GRIN2A: variants seen among roughly 807,000 people sequenced by gnomAD.
GRIN2A encodes the protein glutamate receptor ionotropic, NMDA 2A.
Under a neutral mutation model 113.4 loss-of-function variants are expected in GRIN2A, and 22 were observed. That is an observed-to-expected ratio of 0.19 (90% CI 0.14 to 0.28). GRIN2A has a LOEUF of 0.28. Among genes scored for constraint, GRIN2A ranks in the 10% least tolerant of loss-of-function variants. The probability of loss-of-function intolerance (pLI) is 1.00; values close to 1 mark genes in which losing one functional copy is unlikely to be tolerated. For missense variants in GRIN2A, 1,502 were observed against 1,887.0 expected, an observed-to-expected ratio of 0.80 and a Z score of 3.78; for synonymous variants, 827 against 738.4, an observed-to-expected ratio of 1.12 and a Z score of -1.94.
intron 9 of GRIN2A, 41 bp from the exon 10 acceptor site, chr16:9,822,465 G>C (rs376900804): frequency 2.3e-6 from 3 of 1,333,126 alleles, no homozygotes; most frequent in Non-Finnish European, 2.2e-6. Flanking sequence ...AGTAGGAAAA[G>C]AAAGAGAAGG....
intron 3 of GRIN2A, among the ~76,000 whole-genome samples, chr16:9,900,765 C>T (rs979826096): frequency 3.3e-5 from 5 of 152,126 alleles, no homozygotes; most frequent in Admixed American, 2.6e-4. Flanking sequence ...AAAATAGCAC[C>T]AAATGCGTCA....
chr16:9,988,270 TGTGTGTGTGTGTGC>T (rs1225863993), intron 2 of GRIN2A, among the ~76,000 whole-genome samples: 1 of 39,620 alleles, frequency 2.5e-5, no homozygotes, highest in Admixed American at 2.4e-4. Context: ...TCCATAGGGG[TGTGTGTGTGTGTGC>T]GTGTGTGTGT....
intron 2 of GRIN2A, among the ~76,000 whole-genome samples, chr16:10,123,183 C>G (rs13333309): frequency 6.6e-6 from 1 of 152,160 alleles, no homozygotes; most frequent in Non-Finnish European, 1.5e-5. Context: ...AAATTCCAGG[C>G]AGATCTAATG....
At chr16:10,074,114 C>T (rs1231761090) in intron 2 of GRIN2A, among the ~76,000 whole-genome samples, 1 of 152,124 alleles carries the variant, frequency 6.6e-6, no homozygotes, top group Non-Finnish European at 1.5e-5. Context: ...AGCCACTAAG[C>T]ACATAAAAAT....
At chr16:10,008,525 C>A (rs2046446009) in intron 2 of GRIN2A, among the ~76,000 whole-genome samples, 1 of 152,184 alleles carries the variant, frequency 6.6e-6, no homozygotes, top group Non-Finnish European at 1.5e-5. Context: ...CCCATGAGCA[C>A]TGTGATTCTT....
At position 9,799,156 on chromosome 16, in the gene GRIN2A, G is replaced by A. The variant is rs192981425; in HGVS notation, c.2169-692C>T. ...TAGTTGAGGCTTTGTAGGACATACC[G>A]TCTCTGTTGCAGCTATTAAACTCTG... On this transcript the variant is annotated intron_variant, in intron 10 of 12. Transcript: ENST00000330684. 1.9e-4 allele frequency among the ~76,000 whole-genome samples: 29 copies of A among 152,274 alleles called. No individual in the cohort carries two copies. The South Asian group carries it at 3.5e-3, about 19-fold the overall frequency.
chr16:10,112,099 A>T (rs2048627357), intron 2 of GRIN2A: 2 of 601,740 alleles, frequency 3.3e-6, no homozygotes, highest in South Asian at 3.4e-5. Context: ...AAGGATTCCC[A>T]CAAGCAGCTG....
intron 2 of GRIN2A, among the ~76,000 whole-genome samples, chr16:10,053,122 T>G (rs892144774): frequency 2.0e-5 from 3 of 151,416 alleles, no homozygotes; most frequent in African/African-American, 2.4e-5. Flanking sequence ...GCCCCACTAG[T>G]AATTCTGCCA....
At chr16:10,092,116 T>C (rs1374190461) in intron 2 of GRIN2A, among the ~76,000 whole-genome samples, 1 of 152,216 alleles carries the variant, frequency 6.6e-6, no homozygotes, top group Non-Finnish European at 1.5e-5. Context: ...AGTCTAGTCC[T>C]TTCAACAAAG....
At chr16:10,134,465 C>T (rs565464543) in intron 2 of GRIN2A, among the ~76,000 whole-genome samples, 39 of 90,558 alleles carry the variant, frequency 4.3e-4, no homozygotes, top group Admixed American at 1.8e-3. Context: ...TATCACACAC[C>T]GGGGCCTGTC....
At chr16:9,793,931 C>T (rs1317840592) in intron 11 of GRIN2A, among the ~76,000 whole-genome samples, 1 of 152,178 alleles carries the variant, frequency 6.6e-6, no homozygotes, top group African/African-American at 2.4e-5. Context: ...TGTCAGCCTA[C>T]TGGACTGTAA....
At chr16:10,059,279 T>C (rs777952418) in intron 2 of GRIN2A, among the ~76,000 whole-genome samples, 1 of 151,850 alleles carries the variant, frequency 6.6e-6, no homozygotes, top group Non-Finnish European at 1.5e-5. Flanking sequence ...ATCTACATTA[T>C]ATTGTTTTAA....
At chr16:9,823,998 G>A (rs768025117) in intron 9 of GRIN2A, among the ~76,000 whole-genome samples, 1 of 152,092 alleles carries the variant, frequency 6.6e-6, no homozygotes, top group East Asian at 1.9e-4. Flanking sequence ...GAACCGCCAG[G>A]GTAAGTGTCC....
At chr16:10,154,758 A>T (rs1468918200) in intron 2 of GRIN2A, among the ~76,000 whole-genome samples, 2 of 152,214 alleles carry the variant, frequency 1.3e-5, no homozygotes, top group Non-Finnish European at 2.9e-5. Flanking sequence ...ATGGCTTCTG[A>T]GATGAGTTTT....
At position 10,064,388 on chromosome 16, in the gene GRIN2A, G is replaced by T. The variant is rs112837840; in HGVS notation, c.414+115610C>A. Among the ~76,000 whole-genome samples, 180 of 152,252 alleles carry T rather than the reference G, an allele frequency of 1.2e-3. 2 individuals carry two copies. Among genetic ancestry groups the T allele is most frequent in the Middle Eastern group, 3.4e-3 (1 of 294 alleles). ...TCATCTTCACTCCCTGGGGACTGAG[G>T]TCTTGCCTGATTCCCAAAGCCCTGC... On this transcript the variant is annotated intron_variant, in intron 2 of 12. Transcript: ENST00000330684.
chr16:10,051,690 T>C (rs746443041), intron 2 of GRIN2A, among the ~76,000 whole-genome samples: 1 of 152,142 alleles, frequency 6.6e-6, no homozygotes, highest in Non-Finnish European at 1.5e-5. Context: ...GAGAACTGCA[T>C]GTACAAGAGC....
At chr16:9,821,182 T>G (rs1240561751) in intron 10 of GRIN2A, among the ~76,000 whole-genome samples, 1 of 152,178 alleles carries the variant, frequency 6.6e-6, no homozygotes, top group Non-Finnish European at 1.5e-5. Context: ...TACAGTCATG[T>G]TTCCATGCAG....
chr16:9,998,197 G>C (rs1567225564), intron 2 of GRIN2A, among the ~76,000 whole-genome samples: 1 of 152,050 alleles, frequency 6.6e-6, no homozygotes, highest in Non-Finnish European at 1.5e-5. Context: ...CATGTGTCAT[G>C]GGTTAGCCAT....
chr16:10,102,633 G>A (rs1482360164), intron 2 of GRIN2A, among the ~76,000 whole-genome samples: 3 of 151,672 alleles, frequency 2.0e-5, no homozygotes, highest in South Asian at 2.1e-4. Context: ...TGCAACCTTC[G>A]CCTCCTAGGT....
Sources: allele counts gnomAD v4.1 joint callset (sites outside exome capture counted in the v4.1 genomes callset), GRCh38; gene constraint gnomAD v4.1.1; transcripts MANE v1.5; gene names NCBI Gene and HGNC (gene_info 2026-07-23, HGNC 2026-07-21).